The following VASH2 variants were observed in gnomAD, a reference collection of about 807,000 sequenced individuals.
VASH2 encodes tubulinyl-Tyr carboxypeptidase 2.
A neutral mutation model predicts 37.2 loss-of-function variants in VASH2; 28 were observed. The observed-to-expected ratio is 0.75, with a 90% CI of 0.56 to 1.03. The LOEUF (loss-of-function observed/expected upper bound fraction) is 1.03, where lower values mean the gene tolerates loss of function less well. Ranked by LOEUF, VASH2 falls within the 50% of genes least tolerant of loss-of-function variation. The pLI is 0.00. For synonymous variants in VASH2, 188 were observed against 174.7 expected, an observed-to-expected ratio of 1.08 and a Z score of -0.60; for missense variants, 419 against 459.1, an observed-to-expected ratio of 0.91 and a Z score of 0.80.
chr1:212,959,066 T>C (rs1023723749), intron 2 of VASH2, among the ~76,000 whole-genome samples: 7 of 152,264 alleles, frequency 4.6e-5, no homozygotes, highest in Middle Eastern at 3.4e-3. Context: ...CCCTCCTCTC[T>C]GCCTCTGCTC....
chr1:212,957,692 C>A (rs1008114274), intron 2 of VASH2, among the ~76,000 whole-genome samples: 3 of 150,160 alleles, frequency 2.0e-5, no homozygotes, highest in Non-Finnish European at 4.4e-5. Flanking sequence ...ATCACTGCAA[C>A]CTCCGCCTCT....
At position 212,971,639 on chromosome 1, in the gene VASH2, T is replaced by C. The variant is rs2102643344; in HGVS notation, c.498-941T>C. Among the ~76,000 whole-genome samples the C allele has an allele frequency of 6.6e-6, 1 of 152,160 alleles. No individual in the cohort carries two copies. Among genetic ancestry groups the C allele is most frequent in the Admixed American group, 6.5e-5 (1 of 15,282 alleles). On this transcript the variant is annotated intron_variant, in intron 5 of 7. Transcript: ENST00000517399. The surrounding 1 kb of genome is among the most constrained non-coding windows in gnomAD (Gnocchi z 4.0). ...CTAACTGCCAGGTGATCTCACATGATAAAGTGAAGAGAAAGCAAGTACAAA... is the reference window on the plus strand; with the variant it reads ...CTAACTGCCAGGTGATCTCACATGACAAAGTGAAGAGAAAGCAAGTACAAA...
At position 212,972,421 on chromosome 1, in the gene VASH2, G is replaced by A. The variant is rs778471521; in HGVS notation, c.498-159G>A. On this transcript the variant is annotated intron_variant, in intron 5 of 7. Coordinates refer to ENST00000517399, the MANE Select transcript of VASH2 (RefSeq NM_001301056.2). ...TAGTAGATAGTCAAACATAACAAGCGAATCCTTTATAAAAGGATTAGTCTG... is the reference window on the plus strand; with the variant it reads ...TAGTAGATAGTCAAACATAACAAGCAAATCCTTTATAAAAGGATTAGTCTG... Among the ~76,000 whole-genome samples the A allele has an allele frequency of 2.0e-5, 3 of 152,168 alleles. No individual in the cohort carries two copies. The East Asian group carries it at 5.8e-4, about 29-fold the overall frequency.
At position 212,990,569 on chromosome 1, in the gene VASH2, ACT is replaced by A. The variant is rs1217341391; in HGVS notation, c.*1986_*1987del. On this transcript the variant is annotated 3_prime_UTR_variant, in exon 8 of 8. Transcript: ENST00000517399. The stretch of plus-strand genomic sequence containing the variant: ...AATTTATTTTTGCCAAGTATTAAGT[ACT>A]GTTACATCTAAAATACAGAATGTCA... The A allele has an allele frequency of 6.6e-6, 1 of 152,226 alleles. No individual in the cohort carries two copies. The highest frequency in any genetic ancestry group is 2.4e-5 in the African/African-American group (1 of 41,454). 9.4% of individuals were successfully genotyped at this position (152,226 alleles called of 1,614,324 possible). A position where few individuals can be genotyped will look rare whatever the true frequency, so the allele number is the denominator to read the frequency against.
rs1295262260 is a variant in VASH2, at chr1:212,971,184, TC to T, written c.498-1393del. Among the ~76,000 whole-genome samples the T allele has an allele frequency of 1.3e-5, 2 of 152,248 alleles. No individual in the cohort carries two copies. The highest frequency in any genetic ancestry group is 2.9e-5 in the Non-Finnish European group (2 of 68,050). Reference sequence around the variant, plus strand: ...ACATGTATACACTACATTTTGTTCATCCCTTTATCCATCGATGGATATTTGC... The same window carrying T: ...ACATGTATACACTACATTTTGTTCATCCTTTATCCATCGATGGATATTTGC... On this transcript the variant is annotated intron_variant, in intron 5 of 7. Coordinates refer to ENST00000517399, the MANE Select transcript of VASH2 (RefSeq NM_001301056.2). This position sits in a 1 kb window ranked among gnomAD's most constrained non-coding sequence, Gnocchi z 4.0.
At chr1:212,974,103 C>A (rs372264039) in intron 7 of VASH2, 33 bp downstream of exon 7, 4 of 1,584,302 alleles carry the variant, frequency 2.5e-6, no homozygotes, top group Non-Finnish European at 3.4e-6. Context: ...CAACTCAAAG[C>A]CCAACACACA....
chr1:212,969,854 C>T (rs957496481), intron 5 of VASH2, among the ~76,000 whole-genome samples: 1 of 152,224 alleles, frequency 6.6e-6, no homozygotes, highest in African/African-American at 2.4e-5. Context: ...GCTTGGACGC[C>T]TGTGTCCATT....
Position 212,973,900 on chromosome 1 carries a change from T to C in VASH2, c.880-55T>C. The stretch of plus-strand genomic sequence containing the variant: ...TGGAATGTGGTGCTAGAAGAAGACC[T>C]GAGGGTGGAGGTCCCTTAGGAACCA... On this transcript the variant is annotated intron_variant, in intron 6 of 7. Coordinates refer to ENST00000517399, the MANE Select transcript of VASH2 (RefSeq NM_001301056.2). 1.9e-6 allele frequency: 3 copies of C among 1,582,046 alleles called. No individual in the cohort carries two copies. In the African/African-American group the frequency reaches 4.0e-5, roughly 21 times the overall value.
intron 7 of VASH2, among the ~76,000 whole-genome samples, chr1:212,983,405 G>C (rs964310913): frequency 6.6e-6 from 1 of 152,244 alleles, no homozygotes; most frequent in Admixed American, 6.5e-5. Flanking sequence ...GGCAAAGAGA[G>C]GGAGAGAGGA....
rs1558155359 is a variant in VASH2 at position 212,988,615 on chromosome 1, T to C, written c.*31T>C. 1.9e-6 allele frequency: 3 copies of C among 1,610,566 alleles called. No individual in the cohort carries two copies. The highest frequency in any genetic ancestry group is 2.2e-5 in the East Asian group (1 of 44,864). ...CCATACCGGCCAGCAAGAGGGTTTC[T>C]GTGGTGCTTCTCTCTGCACTTTACC... On this transcript the variant is annotated 3_prime_UTR_variant, in exon 8 of 8. Coordinates refer to ENST00000517399, the MANE Select transcript of VASH2 (RefSeq NM_001301056.2).
intron 5 of VASH2, chr1:212,968,381 G>A (rs1666911259): frequency 1.0e-6 from 1 of 985,376 alleles, no homozygotes; most frequent in Non-Finnish European, 1.2e-6. Context: ...GAGGTCAGTG[G>A]AAGGACATGT....
At chr1:212,956,707 T>C (rs1666508119) in intron 2 of VASH2, among the ~76,000 whole-genome samples, 1 of 152,228 alleles carries the variant, frequency 6.6e-6, no homozygotes, top group South Asian at 2.1e-4. Context: ...ATGTTTTTGC[T>C]AATTGGAGAG....
intron 5 of VASH2, among the ~76,000 whole-genome samples, chr1:212,970,999 C>T (rs1449291087): frequency 6.6e-6 from 1 of 152,086 alleles, no homozygotes; most frequent in Non-Finnish European, 1.5e-5. Flanking sequence ...CACCGTTCTA[C>T]TCTCTGTCTG....
intron 3 of VASH2, among the ~76,000 whole-genome samples, chr1:212,962,822 C>T (rs554595868): frequency 1.2e-4 from 18 of 152,284 alleles, no homozygotes; most frequent in African/African-American, 3.9e-4. Flanking sequence ...GTGCTGATCC[C>T]CACTCTGGGA....
intron 7 of VASH2, among the ~76,000 whole-genome samples, chr1:212,975,322 A>T (rs1018939165): frequency 6.6e-6 from 1 of 152,248 alleles, no homozygotes; most frequent in Admixed American, 6.5e-5. Flanking sequence ...AGGTACTGCC[A>T]CGAGGGCCTT....
chr1:212,973,813 T>C (rs1260537566), intron 6 of VASH2, 142 bp from the exon 7 acceptor site: 2 of 1,420,218 alleles, frequency 1.4e-6, no homozygotes, highest in African/African-American at 2.9e-5. Context: ...TCCAGCCTCC[T>C]TTTTTAGAAG....
chr1:212,957,971 T>C (rs1169671840), intron 2 of VASH2, among the ~76,000 whole-genome samples: 3 of 152,240 alleles, frequency 2.0e-5, no homozygotes, highest in Non-Finnish European at 4.4e-5. Context: ...GGTCATGTAA[T>C]GCTTACAACC....
intron 5 of VASH2, chr1:212,969,156 T>C (rs1425936389): frequency 1.0e-6 from 1 of 985,262 alleles, no homozygotes; most frequent in Admixed American, 6.2e-5. Context: ...AATTTGACTC[T>C]TGCACACAGA....
At chr1:212,963,835 C>T (rs138868752) in intron 3 of VASH2, among the ~76,000 whole-genome samples, 8 of 152,014 alleles carry the variant, frequency 5.3e-5, no homozygotes, top group East Asian at 1.9e-4. Flanking sequence ...GATATGTGAG[C>T]GGAGGAAAGT....
Sources: gnomAD v4.1 joint callset for allele counts (sites outside exome capture counted in the v4.1 genomes callset) on GRCh38, gnomAD v4.1.1 for gene constraint, Gnocchi (gnomAD v3.1) non-coding constraint, MANE v1.5 for transcripts, NCBI Gene and HGNC (gene_info 2026-07-23, HGNC 2026-07-21) for gene names.